Variants in CEP120 observed in about 807,000 individuals in gnomAD.
The protein encoded by CEP120 is centrosomal protein 120.
CEP120 carries 113 observed loss-of-function variants against 126.5 expected under a neutral mutation model. The ratio of observed to expected loss-of-function variants is 0.89; its 90% CI spans 0.77 to 1.04. The LOEUF (loss-of-function observed/expected upper bound fraction) is 1.04, where lower values mean the gene tolerates loss of function less well. Ranked by LOEUF, CEP120 falls within the 50% of genes least tolerant of loss-of-function variation. CEP120 has a pLI of 0.00. For missense variants in CEP120, 1,230 were observed against 1,155.7 expected (o/e 1.06, Z -0.93); for synonymous variants, 400 against 394.3 (o/e 1.01, Z -0.17).
intron 17 of CEP120, among the ~76,000 whole-genome samples, chr5:123,369,627 A>G (rs10053995): frequency 0.71 from 108,337 of 151,670 alleles, 38,835 homozygotes; most frequent in African/African-American, 0.75. Flanking sequence ...ACCTTCTATA[A>G]CTTTTCACAT....
At chr5:123,362,210 T>C (rs1770132476) in intron 18 of CEP120, among the ~76,000 whole-genome samples, 1 of 151,732 alleles carries the variant, frequency 6.6e-6, no homozygotes, top group South Asian at 2.1e-4. Context: ...ACTTTAATTC[T>C]CATTACCAGA....
intron 3 of CEP120, among the ~76,000 whole-genome samples, chr5:123,413,466 C>T (rs1380237354): frequency 2.0e-5 from 3 of 152,006 alleles, no homozygotes; most frequent in East Asian, 3.9e-4. Flanking sequence ...ATTTGAATAT[C>T]CCCACTAGAC....
chr5:123,360,161 C>T (rs776369629), intron 18 of CEP120, among the ~76,000 whole-genome samples: 14 of 152,020 alleles, frequency 9.2e-5, no homozygotes, highest in Admixed American at 1.3e-4. Context: ...ACCAGATAGA[C>T]GATTCCAAAA....
At chr5:123,373,081 A>G (rs944503892) in intron 16 of CEP120, among the ~76,000 whole-genome samples, 2 of 152,070 alleles carry the variant, frequency 1.3e-5, no homozygotes, top group East Asian at 3.9e-4. Flanking sequence ...CTTTCTTTAC[A>G]CTTTTCTTAA....
At chr5:123,405,264 A>T (rs2127107867) in intron 4 of CEP120, among the ~76,000 whole-genome samples, 1 of 18,462 alleles carries the variant, frequency 5.4e-5, no homozygotes, top group East Asian at 1.7e-3. Context: ...CCAGCCTGAG[A>T]GATAAAAACT....
intron 18 of CEP120, among the ~76,000 whole-genome samples, chr5:123,352,443 C>T (rs1769257650): frequency 6.6e-6 from 1 of 151,978 alleles, no homozygotes; most frequent in Non-Finnish European, 1.5e-5. Context: ...GACCTAGCAA[C>T]ATTTATTGAA....
At chr5:123,383,481 CAG>C (rs1771802484) in intron 11 of CEP120, among the ~76,000 whole-genome samples, 1 of 151,994 alleles carries the variant, frequency 6.6e-6, no homozygotes, top group Non-Finnish European at 1.5e-5. Context: ...CTATTTACAT[CAG>C]GGGCATTTTC....
Position 123,358,156 on chromosome 5 carries a change from A to G in CEP120, c.2580+6340T>C, listed in dbSNP as rs564158639. The G allele has an allele frequency of 7.9e-4, 120 of 152,052 alleles. 2 individuals carry two copies. Among genetic ancestry groups the G allele is most frequent in the African/African-American group, 2.7e-3 (113 of 41,396 alleles). The allele number at this position is 152,052 out of a possible 1,614,324, so 9.4% of individuals were successfully genotyped here. A position where few individuals can be genotyped will look rare whatever the true frequency, so the allele number is the denominator to read the frequency against. On this transcript the variant is annotated intron_variant, in intron 18 of 19. Coordinates refer to ENST00000306467, the MANE Select transcript of CEP120 (RefSeq NM_001375405.1). Reference sequence around the variant, plus strand: ...GGTTCAAAACATACAAAACTAAGCAATGTTGTTTGCAAAAAGACTTTTAAT... The same window carrying G: ...GGTTCAAAACATACAAAACTAAGCAGTGTTGTTTGCAAAAAGACTTTTAAT...
At position 123,346,099 on chromosome 5, in the gene CEP120, T is replaced by C. The variant is rs776462319; in HGVS notation, c.*420A>G. On this transcript the variant is annotated 3_prime_UTR_variant, in exon 20 of 20. Transcript: ENST00000306467. ...TGAGTTAAACTGGTTACAATTGGTC[T>C]CAACTTTTAAGAATTTACATTCAAA... 6.7e-4 allele frequency: 105 copies of C among 156,126 alleles called. 1 individual carries two copies. The highest frequency in any genetic ancestry group is 1.4e-3 in the Non-Finnish European group (96 of 70,376). The allele number at this position is 156,126 out of a possible 1,614,324, so 9.7% of individuals were successfully genotyped here. A position where few individuals can be genotyped will look rare whatever the true frequency, so the allele number is the denominator to read the frequency against.
At chr5:123,369,990 A>G (rs542548457) in intron 17 of CEP120, among the ~76,000 whole-genome samples, 3 of 152,098 alleles carry the variant, frequency 2.0e-5, no homozygotes, top group East Asian at 3.9e-4. Context: ...AGATGACAAC[A>G]TGCCCTCCAT....
intron 16 of CEP120, among the ~76,000 whole-genome samples, chr5:123,374,457 C>A (rs529893289): frequency 1.3e-5 from 2 of 152,054 alleles, no homozygotes; most frequent in African/African-American, 2.4e-5. Context: ...TAAAAAGGTA[C>A]GAAGATGTTC....
At chr5:123,351,520 A>G (rs1421189543) in intron 18 of CEP120, among the ~76,000 whole-genome samples, 1 of 152,184 alleles carries the variant, frequency 6.6e-6, no homozygotes, top group Non-Finnish European at 1.5e-5. Context: ...GGATATATAC[A>G]TAGGCTTCAA....
rs74436003 is a variant in CEP120, at chr5:123,366,500, A to C, written c.2482-1906T>G. Among the ~76,000 whole-genome samples the C allele has an allele frequency of 2.4e-3, 372 of 151,990 alleles. 2 individuals carry two copies. The highest frequency in any genetic ancestry group is 8.3e-3 in the African/African-American group (343 of 41,522). On this transcript the variant is annotated intron_variant, in intron 17 of 19. Transcript: ENST00000306467. ...TCCAATCTCCCTATTTCTACTCTTGATACACCTACAATTCTAGTTCTTTAC... is the reference window on the plus strand; with the variant it reads ...TCCAATCTCCCTATTTCTACTCTTGCTACACCTACAATTCTAGTTCTTTAC...
chr5:123,367,958 C>T (rs1417000667), intron 17 of CEP120, among the ~76,000 whole-genome samples: 1 of 151,792 alleles, frequency 6.6e-6, no homozygotes, highest in Non-Finnish European at 1.5e-5. Flanking sequence ...TCTTCTGGCT[C>T]CAAAAAGATT....
At chr5:123,380,932 C>T (rs891670111) in intron 14 of CEP120, among the ~76,000 whole-genome samples, 9 of 152,126 alleles carry the variant, frequency 5.9e-5, no homozygotes, top group South Asian at 2.1e-4. Flanking sequence ...GTTATCTGAA[C>T]GTTTCTAAAG....
chr5:123,350,136 A>C (rs2126966217), intron 18 of CEP120, 47 bp from the exon 19 acceptor site: 1 of 1,500,598 alleles, frequency 6.7e-7, no homozygotes, highest in Admixed American at 2.0e-5. Context: ...ATTAGGAACA[A>C]ATATTTTATA....
At chr5:123,412,582 G>A (rs750691919) in intron 3 of CEP120, 42 bp from the exon 4 acceptor site, 1 of 1,432,030 alleles carries the variant, frequency 7.0e-7, no homozygotes, top group East Asian at 2.4e-5. Flanking sequence ...TAGTTAATAA[G>A]GGAAAAAACA....
chr5:123,373,215 T>C (rs1452775189), intron 16 of CEP120, among the ~76,000 whole-genome samples: 1 of 151,980 alleles, frequency 6.6e-6, no homozygotes, highest in African/African-American at 2.4e-5. Flanking sequence ...GTGCAAGTTA[T>C]CTGCCAACCC....
rs1768818759 is a variant in CEP120, at chr5:123,346,418, GA to G, written c.*100del. On this transcript the variant is annotated 3_prime_UTR_variant, in exon 20 of 20. Transcript: ENST00000306467. ...TACAAAATTTTGCTTATAAAAAATT[GA>G]AAATACCATTTTAAAACATCCATTT... is the stretch of plus-strand genomic sequence containing the variant. 1 of 887,096 alleles carries G rather than the reference GA, an allele frequency of 1.1e-6. No homozygotes were observed. The allele number at this position is 887,096 out of a possible 1,614,324, so 55.0% of individuals were successfully genotyped here.
Sources: gnomAD v4.1 joint callset for allele counts (sites outside exome capture counted in the v4.1 genomes callset) on GRCh38, gnomAD v4.1.1 for gene constraint, MANE v1.5 for transcripts, NCBI Gene and HGNC (gene_info 2026-07-23, HGNC 2026-07-21) for gene names.